Variants in AKNA observed in about 807,000 individuals in gnomAD.
AKNA encodes the protein AT-hook transcription factor.
AKNA carries 67 observed loss-of-function variants against 138.8 expected under a neutral mutation model. The ratio of observed to expected loss-of-function variants is 0.48; its 90% CI spans 0.40 to 0.59. The LOEUF is 0.59. Among genes scored for constraint, AKNA ranks in the 20% least tolerant of loss-of-function variants. The probability of loss-of-function intolerance (pLI) is 0.00; values close to 1 mark genes in which losing one functional copy is unlikely to be tolerated. For synonymous variants in AKNA, 737 were observed against 754.4 expected, an observed-to-expected ratio of 0.98 and a Z score of 0.38; for missense variants, 1,813 against 1,880.4, an observed-to-expected ratio of 0.96 and a Z score of 0.66.
chr9:114,337,099 G>C lies in AKNA; in HGVS notation c.4275C>G (p.Ala1425=). ...TTRQMRSSLS[A]DLRQAHSLRG... is the part of the protein sequence containing the mutation. The stretch of plus-strand genomic sequence containing the variant: ...GCAGGCTGTGAGCCTGGCGCAGGTC[G>C]GCTGACAGCGAGCTTCTCATCTGCC... Residue 1425 remains alanine (A), a synonymous_variant, in exon 22 of 22, where the codon GCC becomes GCG. Coordinates refer to ENST00000374088, the MANE Select transcript of AKNA (RefSeq NM_001317950.2). 5 of 1,599,356 alleles carry C rather than the reference G, an allele frequency of 3.1e-6. No homozygotes were observed. The highest frequency in any genetic ancestry group is 4.3e-6 in the Non-Finnish European group (5 of 1,173,498).
upstream of AKNA, chr9:114,388,059 G>A (rs899968511): frequency 1.9e-5 from 5 of 266,548 alleles, no homozygotes; most frequent in Admixed American, 4.2e-5. Context: ...AGGCCGCCTC[G>A]CCTCGGCAGG....
chr9:114,378,600 G>T (rs927132958), intron 2 of AKNA, among the ~76,000 whole-genome samples: 17 of 152,110 alleles, frequency 1.1e-4, no homozygotes, highest in African/African-American at 4.1e-4. Context: ...GAGGGAGAGA[G>T]GAAGATAAGG....
chr9:114,386,945 T>C (rs1269070145), intron 1 of AKNA, among the ~76,000 whole-genome samples: 3 of 151,600 alleles, frequency 2.0e-5, no homozygotes, highest in Non-Finnish European at 4.4e-5. Flanking sequence ...CTGTCCAGGG[T>C]GCCACCCTGC....
chr9:114,371,011 C>T (rs192638648), intron 4 of AKNA, among the ~76,000 whole-genome samples: 34 of 152,286 alleles, frequency 2.2e-4, no homozygotes, highest in African/African-American at 6.3e-4. Context: ...GATGGAGGAA[C>T]AGGGGCTGGG....
intron 9 of AKNA, among the ~76,000 whole-genome samples, chr9:114,360,286 T>C (rs766497216): frequency 2.6e-5 from 4 of 152,150 alleles, no homozygotes; most frequent in Non-Finnish European, 5.9e-5. Context: ...CCAGGCACCA[T>C]ACAGATACCA....
chr9:114,365,473 T>C (rs1003564963), intron 6 of AKNA, among the ~76,000 whole-genome samples: 2 of 152,112 alleles, frequency 1.3e-5, no homozygotes, highest in Non-Finnish European at 2.9e-5. Context: ...CTCAAAAAAG[T>C]TTAATTACAA....
chr9:114,331,986 C>A (rs902123533), downstream of AKNA: 10 of 1,457,918 alleles, frequency 6.9e-6, no homozygotes, highest in Non-Finnish European at 8.6e-6. Context: ...TTGGGCAGCC[C>A]CAGAGGCCCA....
At chr9:114,334,045 A>T (rs1829909845), downstream of AKNA, 1 of 134,108 alleles carries the variant, frequency 7.5e-6, no homozygotes, top group Non-Finnish European at 1.6e-5. Flanking sequence ...CTTGTGAAGA[A>T]GGGACTTGCT....
intron 16 of AKNA, 146 bp from the exon 17 acceptor site, chr9:114,346,930 GTTTCACAGAAAA>G: frequency 1.5e-6 from 1 of 650,248 alleles, no homozygotes; most frequent in Admixed American, 3.5e-5. Flanking sequence ...TCTGAAGTCA[GTTTCACAGAAAA>G]TGGCTCTGCG....
chr9:114,338,412 G>T (rs1286656816), intron 21 of AKNA, among the ~76,000 whole-genome samples: 1 of 152,236 alleles, frequency 6.6e-6, no homozygotes, highest in African/African-American at 2.4e-5. Flanking sequence ...GGAATCCTCA[G>T]CACTGCTGGT....
intron 11 of AKNA, 58 bp from the exon 12 acceptor site, chr9:114,358,225 T>A: frequency 6.2e-7 from 1 of 1,605,982 alleles, no homozygotes; most frequent in South Asian, 1.1e-5. Flanking sequence ...GACGCAGGGG[T>A]TGGCCTGTCC....
chr9:114,330,868 G>T, downstream of AKNA: 1 of 1,612,772 alleles, frequency 6.2e-7, no homozygotes, highest in Non-Finnish European at 8.5e-7. Flanking sequence ...ATACGGTGAG[G>T]GCCAGCCCTC....
Position 114,341,712 on chromosome 9 carries a change from G to A in AKNA, c.3888C>T (p.Ala1296=), listed in dbSNP as rs1200516559. Residue 1296 remains alanine (A), a synonymous_variant, in exon 21 of 22, where the codon GCC becomes GCT. Transcript: ENST00000374088. The part of the protein sequence containing the change: ...PGSATSGAEK[A]TTRRKASSTP... ...TTGAAGATGCTTTTCTCCTCGTGGTGGCCTTCTCTGCCCCTATCAGGGAGG... is the reference window on the plus strand; with the variant it reads ...TTGAAGATGCTTTTCTCCTCGTGGTAGCCTTCTCTGCCCCTATCAGGGAGG... The A allele has an allele frequency of 3.2e-6, 5 of 1,575,960 alleles. No individual in the cohort carries two copies. The highest frequency in any genetic ancestry group is 4.3e-6 in the Non-Finnish European group (5 of 1,163,672).
chr9:114,342,595 G>A (rs1245335385), intron 19 of AKNA, among the ~76,000 whole-genome samples: 1 of 151,984 alleles, frequency 6.6e-6, no homozygotes, highest in Non-Finnish European at 1.5e-5. Context: ...GGTCAGTAGA[G>A]GCAAAAGGGA....
rs763886913 is a variant in AKNA, at chr9:114,359,880, T to G, written c.2291+16A>C. 6 of 1,614,058 alleles carry G rather than the reference T, an allele frequency of 3.7e-6. No individual in the cohort carries two copies. The East Asian group carries it at 1.3e-4, about 36-fold the overall frequency. ...CTGCTGGCCAGACACCCTGGTCAGG[T>G]CCAGGTGGCACTCACCGCTCCATGA... On this transcript the variant is annotated intron_variant, in intron 10 of 21. Transcript: ENST00000374088.
intron 4 of AKNA, among the ~76,000 whole-genome samples, chr9:114,369,823 C>T (rs1399934087): frequency 3.9e-5 from 6 of 152,136 alleles, no homozygotes; most frequent in African/African-American, 1.2e-4. Context: ...TCACCATTAT[C>T]ACCAACACCA....
intron 21 of AKNA, among the ~76,000 whole-genome samples, chr9:114,340,200 A>G (rs575403616): frequency 3.9e-5 from 6 of 152,310 alleles, no homozygotes; most frequent in African/African-American, 1.2e-4. Context: ...CTGCTCCACC[A>G]AGCACCAGCC....
intron 8 of AKNA, 55 bp downstream of exon 8, chr9:114,362,351 G>A: frequency 1.9e-6 from 3 of 1,548,008 alleles, no homozygotes; most frequent in East Asian, 2.3e-5. Context: ...GGAGACTGAG[G>A]GACCCCAGGG....
At chr9:114,372,964 C>CGGGGG (rs558347748) in intron 4 of AKNA, among the ~76,000 whole-genome samples, 6 of 26,156 alleles carry the variant, frequency 2.3e-4, no homozygotes, top group Admixed American at 5.4e-4. Context: ...GGGGACGCAG[C>CGGGGG]GGGGGGGGGG....
Sources: allele counts gnomAD v4.1 joint callset (sites outside exome capture counted in the v4.1 genomes callset), GRCh38; gene constraint gnomAD v4.1.1; transcripts MANE v1.5; gene names NCBI Gene and HGNC (gene_info 2026-07-23, HGNC 2026-07-21).